EVI5: variants seen among roughly 807,000 people sequenced by gnomAD.
The protein encoded by EVI5 is ecotropic viral integration site 5 protein homolog.
In EVI5, 73 loss-of-function variants were observed where a neutral mutation model predicts 112.0. The observed-to-expected ratio is 0.65, with a 90% confidence interval of 0.54 to 0.79. The LOEUF (loss-of-function observed/expected upper bound fraction) is 0.79, where lower values mean the gene tolerates loss of function less well. EVI5 is among the 30% of genes least tolerant of loss of function. The pLI, the probability that EVI5 is intolerant of heterozygous loss-of-function variation, is 0.00. For synonymous variants in EVI5, 305 were observed against 319.9 expected (o/e 0.95, Z 0.50); for missense variants, 900 against 968.8 (o/e 0.93, Z 0.94).
intron 19 of EVI5, among the ~76,000 whole-genome samples, chr1:92,534,346 C>T (rs570076406): frequency 2.0e-5 from 3 of 152,264 alleles, no homozygotes; most frequent in Non-Finnish European, 4.4e-5. Flanking sequence ...GTGACAATGG[C>T]CATACTGCCC....
intron 2 of EVI5, among the ~76,000 whole-genome samples, chr1:92,712,044 TAC>T (rs1185900118): frequency 6.6e-6 from 1 of 152,116 alleles, no homozygotes; most frequent in East Asian, 1.9e-4. Context: ...TTATGAGGAT[TAC>T]AGACTCCCAA....
At chr1:92,679,475 C>T (rs1667257376) in intron 9 of EVI5, among the ~76,000 whole-genome samples, 1 of 152,078 alleles carries the variant, frequency 6.6e-6, no homozygotes, top group African/African-American at 2.4e-5. Context: ...CTCATTTATA[C>T]ACCTAAAAAT....
Position 92,694,342 on chromosome 1 carries a change from T to C in EVI5, c.956A>G (p.Asn319Ser). Residue 319 changes from asparagine to serine, a missense_variant, in exon 8 of 20, where the codon AAT becomes AGT. By Grantham distance (46) the Asn-to-Ser change is conservative. Transcript: ENST00000684568. Reference sequence around the variant, plus strand: ...GTCAAGTTGCATCAGTTCTGCCTGATTCATCTGAAGAAGTGCTAATCCTAC... The same window carrying C: ...GTCAAGTTGCATCAGTTCTGCCTGACTCATCTGAAGAAGTGCTAATCCTAC... ...FRVGLALLQM[N>S]QAELMQLDME... The C allele has an allele frequency of 6.2e-7, 1 of 1,607,328 alleles. No individual in the cohort carries two copies. Among genetic ancestry groups the C allele is most frequent in the East Asian group, 2.2e-5 (1 of 44,840 alleles).
intron 19 of EVI5, among the ~76,000 whole-genome samples, chr1:92,550,646 C>G (rs1479557069): frequency 2.1e-5 from 3 of 139,568 alleles, no homozygotes; most frequent in Admixed American, 7.4e-5. Context: ...ACTTGGGAGG[C>G]TGAGGCAGGG....
intron 13 of EVI5, 147 bp downstream of exon 13, chr1:92,662,572 A>T: frequency 2.2e-6 from 1 of 453,538 alleles, no homozygotes; most frequent in Non-Finnish European, 3.2e-6. Flanking sequence ...CCTAAATATC[A>T]CAGAACATAA....
At chr1:92,669,467 G>A (rs1206231916) in intron 10 of EVI5, among the ~76,000 whole-genome samples, 1 of 143,380 alleles carries the variant, frequency 7.0e-6, no homozygotes, top group Non-Finnish European at 1.5e-5. Context: ...AGAATCACTT[G>A]AATCCAGGAG....
intron 14 of EVI5, among the ~76,000 whole-genome samples, chr1:92,633,175 G>C (rs930518857): frequency 3.3e-5 from 5 of 152,200 alleles, no homozygotes; most frequent in African/African-American, 4.8e-5. Flanking sequence ...GAGTTCTGTA[G>C]ATGTCTATTA....
At chr1:92,726,748 T>C (rs1675630285) in intron 2 of EVI5, among the ~76,000 whole-genome samples, 1 of 152,066 alleles carries the variant, frequency 6.6e-6, no homozygotes, top group Non-Finnish European at 1.5e-5. Flanking sequence ...ATAACACATA[T>C]AAAAGTAAAA....
intron 16 of EVI5, among the ~76,000 whole-genome samples, chr1:92,623,914 A>T (rs1368585806): frequency 6.6e-6 from 1 of 152,252 alleles, no homozygotes; most frequent in Non-Finnish European, 1.5e-5. Flanking sequence ...AAGTCATGCA[A>T]CAGGGCAATG....
intron 14 of EVI5, among the ~76,000 whole-genome samples, chr1:92,628,235 C>G (rs1656121801): frequency 6.6e-6 from 1 of 152,206 alleles, no homozygotes; most frequent in South Asian, 2.1e-4. Context: ...AGTCCTTTGT[C>G]ACATGTATAG....
At chr1:92,560,873 C>CT (rs11370771) in intron 19 of EVI5, among the ~76,000 whole-genome samples, 101,377 of 146,686 alleles carry the variant, frequency 0.69, 35,055 homozygotes, top group South Asian at 0.83. Flanking sequence ...CCTACAAAAG[C>CT]TTTTTTTTTT....
chr1:92,594,518 T>C (rs1365697435), intron 18 of EVI5, among the ~76,000 whole-genome samples: 1 of 150,338 alleles, frequency 6.7e-6, no homozygotes, highest in African/African-American at 2.5e-5. Flanking sequence ...AAGGACTTCA[T>C]GTCTAAAACA....
At position 92,663,423 on chromosome 1, in the gene EVI5, T is replaced by C. The variant is rs1430361959; in HGVS notation, c.1242A>G (p.Ile414Met). The C allele has an allele frequency of 7.0e-7, 1 of 1,420,082 alleles. No homozygotes were observed. The highest frequency in any genetic ancestry group is 9.4e-7 in the Non-Finnish European group (1 of 1,061,116). The allele number at this position is 1,420,082 out of a possible 1,614,324, so 88.0% of individuals were successfully genotyped here. A position where few individuals can be genotyped will look rare whatever the true frequency, so the allele number is the denominator to read the frequency against. ...TAAAACAAAACAAAAACTATACCTG[T>C]ATCAATCTATCTGCCAAGGAAGCAC... ...KESASLADRLIQGQVTRAQEA... is the reference protein window; with the variant it reads ...KESASLADRLMQGQVTRAQEA... The change falls in exon 12 of 20, where the codon ATA (isoleucine) becomes ATG (methionine). Residue 414 changes from isoleucine to methionine, a missense_variant. Physicochemically the swap from Ile to Met is conservative, Grantham distance 10. Transcript: ENST00000684568.
rs34573809 is a variant in EVI5, at chr1:92,619,445, C to CATATATAT, written c.1827+4723_1827+4730dup. ...TAAGTTAATACTTGAAATAAACTCC[C>CATATATAT]ATATATATATATATATATATCCTAT... On this transcript the variant is annotated intron_variant, in intron 16 of 19. Transcript: ENST00000684568. 4.4e-3 allele frequency among the ~76,000 whole-genome samples: 639 copies of CATATATAT among 146,888 alleles called. 4 individuals carry two copies. Among genetic ancestry groups the CATATATAT allele is most frequent in the African/African-American group, 0.015 (596 of 40,050 alleles).
chr1:92,603,602 T>C (rs911514394), intron 18 of EVI5, among the ~76,000 whole-genome samples: 2 of 152,102 alleles, frequency 1.3e-5, no homozygotes, highest in Non-Finnish European at 2.9e-5. Flanking sequence ...AGTTTATTTA[T>C]AAACTTCCAA....
chr1:92,604,186 C>CTAAA (rs112250561), intron 18 of EVI5, among the ~76,000 whole-genome samples: 27,977 of 148,984 alleles, frequency 0.19, 3,264 homozygotes, highest in Middle Eastern at 0.26. Flanking sequence ...CTCATTGCTA[C>CTAAA]TAAATAAATA....
chr1:92,742,470 C>T lies in EVI5; in HGVS notation c.-81-5843G>A, dbSNP rs373649106. The stretch of plus-strand genomic sequence containing the variant: ...GGTGGATCACCTGAGGTCAGGAGTT[C>T]GAGACCAGCCTGGCCAACATGGAGA... On this transcript the variant is annotated intron_variant, in intron 1 of 19. Coordinates refer to ENST00000684568, the MANE Select transcript of EVI5 (RefSeq NM_001350197.2). Among the ~76,000 whole-genome samples, 14 of 151,874 alleles carry T rather than the reference C, an allele frequency of 9.2e-5. No individual in the cohort carries two copies. The East Asian group carries it at 2.4e-3, about 26-fold the overall frequency.
chr1:92,549,685 A>G (rs1321240139), intron 19 of EVI5, among the ~76,000 whole-genome samples: 1 of 152,156 alleles, frequency 6.6e-6, no homozygotes, highest in Non-Finnish European at 1.5e-5. Flanking sequence ...AAAAGTGGGC[A>G]AAGCATATGA....
At chr1:92,686,969 G>T (rs900014521) in intron 9 of EVI5, among the ~76,000 whole-genome samples, 5 of 152,090 alleles carry the variant, frequency 3.3e-5, no homozygotes, top group African/African-American at 1.2e-4. Flanking sequence ...ACTGCCCAAG[G>T]TAATTTATAG....
Sources: gnomAD v4.1 joint callset for allele counts (sites outside exome capture counted in the v4.1 genomes callset) on GRCh38, gnomAD v4.1.1 for gene constraint, MANE v1.5 for transcripts, NCBI Gene and HGNC (gene_info 2026-07-23, HGNC 2026-07-21) for gene names.